The following PPM1L variants were observed in gnomAD, a reference collection of about 807,000 sequenced individuals.
The protein encoded by PPM1L is protein phosphatase, Mg2+/Mn2+ dependent 1L.
Under a neutral mutation model 31.4 loss-of-function variants are expected in PPM1L, and 13 were observed. The ratio of observed to expected loss-of-function variants is 0.41; its 90% confidence interval spans 0.27 to 0.66. The LOEUF (loss-of-function observed/expected upper bound fraction) is 0.66. Ranked by LOEUF, PPM1L falls within the 30% of genes least tolerant of loss-of-function variation. The pLI is 0.29. For synonymous variants in PPM1L, 184 were observed against 175.4 expected (o/e 1.05, Z -0.39); for missense variants, 326 against 453.7 (o/e 0.72, Z 2.56).
chr3:160,936,695 T>C (rs751984085), intron 1 of PPM1L, among the ~76,000 whole-genome samples: 2 of 152,236 alleles, frequency 1.3e-5, no homozygotes, highest in Non-Finnish European at 2.9e-5. Flanking sequence ...TGTGAGATTT[T>C]GTTTCCCAAA....
At chr3:161,011,033 T>C (rs1717876967) in intron 2 of PPM1L, among the ~76,000 whole-genome samples, 1 of 152,250 alleles carries the variant, frequency 6.6e-6, no homozygotes, top group Non-Finnish European at 1.5e-5. Context: ...AGATCCCATT[T>C]GTCAATTTTG....
chr3:161,065,615 A>C (rs1719715222), intron 3 of PPM1L, 51 bp downstream of exon 3: 1 of 1,577,178 alleles, frequency 6.3e-7, no homozygotes, highest in Non-Finnish European at 8.7e-7. Context: ...CTGGTGAACA[A>C]GGCGGCTTGC....
chr3:160,915,971 G>A (rs1240170035), intron 1 of PPM1L, among the ~76,000 whole-genome samples: 1 of 152,114 alleles, frequency 6.6e-6, no homozygotes, highest in Non-Finnish European at 1.5e-5. Context: ...AGAAAACCTA[G>A]GCAATACCAT....
chr3:160,904,084 C>A (rs1410954740), intron 1 of PPM1L, among the ~76,000 whole-genome samples: 1 of 152,072 alleles, frequency 6.6e-6, no homozygotes, highest in Non-Finnish European at 1.5e-5. Context: ...GGGAATGAAC[C>A]TCTACCATGA....
chr3:160,831,437 T>C (rs554869248), intron 1 of PPM1L, among the ~76,000 whole-genome samples: 1 of 152,340 alleles, frequency 6.6e-6, no homozygotes, highest in Admixed American at 6.5e-5. Flanking sequence ...TGAGTGGAAT[T>C]AAGCTTAAAC....
At position 161,046,173 on chromosome 3, in the gene PPM1L, A is replaced by G. The variant is rs1203373674; in HGVS notation, c.575-19230A>G. ...GAGCTGGTTTTTTGAAAAGATCAAC[A>G]AAATTGATAGACCGCTAGCAAGACT... On this transcript the variant is annotated intron_variant, in intron 2 of 3. Transcript: ENST00000498165. 2.0e-5 allele frequency among the ~76,000 whole-genome samples: 3 copies of G among 151,658 alleles called. No homozygotes were observed. The East Asian group carries it at 5.8e-4, about 29-fold the overall frequency.
At chr3:160,757,925 T>C (rs1264371790) in intron 1 of PPM1L, among the ~76,000 whole-genome samples, 1 of 152,196 alleles carries the variant, frequency 6.6e-6, no homozygotes, top group East Asian at 1.9e-4. Context: ...TGGGTAAACA[T>C]TGAGAAAGCT....
chr3:160,918,767 A>G (rs1714279673), intron 1 of PPM1L, among the ~76,000 whole-genome samples: 1 of 152,214 alleles, frequency 6.6e-6, no homozygotes, highest in Admixed American at 6.5e-5. Flanking sequence ...ATGTTGTTTC[A>G]TGGATCTAGT....
intron 1 of PPM1L, among the ~76,000 whole-genome samples, chr3:160,898,092 A>G (rs1194006912): frequency 6.6e-6 from 1 of 152,202 alleles, no homozygotes; most frequent in Non-Finnish European, 1.5e-5. Context: ...TTAATGAGTA[A>G]AAAGGACCTC....
intron 2 of PPM1L, among the ~76,000 whole-genome samples, chr3:161,049,211 G>C (rs116606568): frequency 0.013 from 1,995 of 151,916 alleles, 38 homozygotes; most frequent in African/African-American, 0.044. Context: ...TGAGGAGATC[G>C]AGGCTGCAAT....
intron 1 of PPM1L, among the ~76,000 whole-genome samples, chr3:160,868,018 G>T (rs1039546967): frequency 9.2e-5 from 14 of 152,188 alleles, no homozygotes; most frequent in Non-Finnish European, 1.9e-4. Flanking sequence ...CTGCAAAAAG[G>T]TGATGAAGAA....
chr3:161,042,758 C>T (rs1271021456), intron 2 of PPM1L, among the ~76,000 whole-genome samples: 1 of 152,164 alleles, frequency 6.6e-6, no homozygotes, highest in Non-Finnish European at 1.5e-5. Context: ...CCGTGGCTCA[C>T]GCCTGTAATC....
rs1352939508 is a variant in PPM1L at position 160,823,597 on chromosome 3, T to A, written c.399+66890T>A. The stretch of plus-strand genomic sequence containing the variant: ...CATTTTTCATTTTCCATATTTATCA[T>A]TATTGGTATAGAAATGGCCAGAAAT... On this transcript the variant is annotated intron_variant, in intron 1 of 3. Transcript: ENST00000498165. Among the ~76,000 whole-genome samples, 6 of 152,156 alleles carry A rather than the reference T, an allele frequency of 3.9e-5. No homozygotes were observed. The East Asian group carries it at 1.2e-3, about 29-fold the overall frequency.
At chr3:161,065,379 TTC>T (rs770984784) in intron 2 of PPM1L, 22 bp from the exon 3 acceptor site, 2 of 1,609,460 alleles carry the variant, frequency 1.2e-6, no homozygotes, top group Non-Finnish European at 8.5e-7. Context: ...ACCTCCCGCG[TTC>T]TCTCTCTCTT....
intron 2 of PPM1L, among the ~76,000 whole-genome samples, chr3:161,015,671 G>A (rs1398177125): frequency 6.6e-6 from 1 of 152,140 alleles, no homozygotes; most frequent in African/African-American, 2.4e-5. Flanking sequence ...ACTGGATTCA[G>A]TGGTTCTCTT....
At chr3:160,874,207 A>G (rs1479362227) in intron 1 of PPM1L, among the ~76,000 whole-genome samples, 1 of 152,154 alleles carries the variant, frequency 6.6e-6, no homozygotes, top group Admixed American at 6.5e-5. Flanking sequence ...AGAACTTTGA[A>G]TCTTGAGTGC....
chr3:160,830,739 T>C (rs1713502027), intron 1 of PPM1L, among the ~76,000 whole-genome samples: 1 of 152,224 alleles, frequency 6.6e-6, no homozygotes, highest in Non-Finnish European at 1.5e-5. Context: ...GCTTTCATTT[T>C]TCTGTTGAAT....
chr3:160,854,781 G>A lies in PPM1L; in HGVS notation c.399+98074G>A, dbSNP rs113599756. Among the ~76,000 whole-genome samples the A allele has an allele frequency of 3.1e-4, 47 of 150,466 alleles. 1 individual carries two copies. Among genetic ancestry groups the A allele is most frequent in the African/African-American group, 6.4e-4 (26 of 40,944 alleles). Reference sequence around the variant, plus strand: ...CCAGTATTGTTAAAATGGCCATATTGCCCAAAGCAATTTACAGATTCAATG... The same window carrying A: ...CCAGTATTGTTAAAATGGCCATATTACCCAAAGCAATTTACAGATTCAATG... On this transcript the variant is annotated intron_variant, in intron 1 of 3. Coordinates refer to ENST00000498165, the MANE Select transcript of PPM1L (RefSeq NM_139245.4).
chr3:160,935,815 T>C (rs548056609), intron 1 of PPM1L, among the ~76,000 whole-genome samples: 1 of 152,352 alleles, frequency 6.6e-6, no homozygotes, highest in Non-Finnish European at 1.5e-5. Context: ...TTTTCCTTTT[T>C]GAATGGTTCA....
Sources: allele counts gnomAD v4.1 joint callset (sites outside exome capture counted in the v4.1 genomes callset), GRCh38; gene constraint gnomAD v4.1.1; transcripts MANE v1.5; gene names NCBI Gene and HGNC (gene_info 2026-07-23, HGNC 2026-07-21).